Variants in ABTB3 observed in about 807,000 individuals in gnomAD.
ABTB3 encodes the protein ankyrin repeat- and BTB/POZ domain-containing protein 3.
the ABTB3 span, among the ~76,000 whole-genome samples, chr12:107,404,711 C>T: frequency 4.7e-4 from 71 of 152,232 alleles, 1 homozygote; most frequent in Admixed American, 2.9e-3. Flanking sequence ...GCTGCTTGTT[C>T]GAGGCAGGTG....
chr12:107,442,174 G>A, the ABTB3 span, among the ~76,000 whole-genome samples: 1 of 152,196 alleles, frequency 6.6e-6, no homozygotes, highest in Non-Finnish European at 1.5e-5. Flanking sequence ...AGCACAGGGT[G>A]CATGGCTGGC....
chr12:107,325,220 G>A, the ABTB3 span, among the ~76,000 whole-genome samples: 1 of 152,180 alleles, frequency 6.6e-6, no homozygotes, highest in African/African-American at 2.4e-5. Context: ...GGGCTTGGAG[G>A]GTAGGTTGGT....
chr12:107,501,462 G>T, the ABTB3 span, among the ~76,000 whole-genome samples: 2 of 151,966 alleles, frequency 1.3e-5, no homozygotes, highest in African/African-American at 4.8e-5. Flanking sequence ...CACTTTGGGA[G>T]GCCAAGGTGA....
the ABTB3 span, among the ~76,000 whole-genome samples, chr12:107,560,196 G>A: frequency 5.9e-5 from 9 of 152,240 alleles, no homozygotes; most frequent in East Asian, 7.7e-4. Context: ...TCCAGGGTTC[G>A]TGGCCATTTG....
chr12:107,358,862 G>A, the ABTB3 span, among the ~76,000 whole-genome samples: 1 of 152,306 alleles, frequency 6.6e-6, no homozygotes, highest in East Asian at 1.9e-4. Context: ...AATGTGTTGG[G>A]ATTACAGGCA....
chr12:107,637,137 C>A, the ABTB3 span, among the ~76,000 whole-genome samples: 1 of 152,216 alleles, frequency 6.6e-6, no homozygotes, highest in Non-Finnish European at 1.5e-5. Flanking sequence ...TTGCTAAGTG[C>A]TCTTCATAAA....
chr12:107,600,836 C>T, the ABTB3 span, among the ~76,000 whole-genome samples: 3 of 152,146 alleles, frequency 2.0e-5, no homozygotes, highest in Non-Finnish European at 2.9e-5. Context: ...AGAGCTCTCA[C>T]GAGGCCCTGC....
chr12:107,433,869 C>A, the ABTB3 span, among the ~76,000 whole-genome samples: 6 of 152,168 alleles, frequency 3.9e-5, no homozygotes, highest in Non-Finnish European at 7.4e-5. Flanking sequence ...AGTCCAAGAT[C>A]AGGGATCAGT....
At chr12:107,571,595 A>G in the ABTB3 span, among the ~76,000 whole-genome samples, 1 of 152,064 alleles carries the variant, frequency 6.6e-6, no homozygotes, top group South Asian at 2.1e-4. Context: ...TGCTTCCTGG[A>G]TGTTTATTTT....
the ABTB3 span, chr12:107,580,977 A>T: frequency 1.3e-6 from 2 of 1,551,808 alleles, no homozygotes; most frequent in South Asian, 2.4e-5. Context: ...GGATGTCTCC[A>T]AAGGCTCTCC....
At chr12:107,375,865 C>T in the ABTB3 span, among the ~76,000 whole-genome samples, 1 of 152,306 alleles carries the variant, frequency 6.6e-6, no homozygotes, top group East Asian at 1.9e-4. Context: ...GGCTTCCCTC[C>T]CATCACCTTG....
At chr12:107,657,600 T>G in the ABTB3 span, 3 of 1,614,046 alleles carry the variant, frequency 1.9e-6, no homozygotes, top group African/African-American at 4.0e-5. Context: ...TTCAAGCAGC[T>G]CCTGTATGAC....
the ABTB3 span, among the ~76,000 whole-genome samples, chr12:107,389,865 T>A: frequency 6.6e-6 from 1 of 151,300 alleles, no homozygotes; most frequent in Admixed American, 6.6e-5. Flanking sequence ...TGTGTGTGTG[T>A]GTGTGTGTGT....
the ABTB3 span, among the ~76,000 whole-genome samples, chr12:107,444,885 A>C: frequency 6.6e-6 from 1 of 152,130 alleles, no homozygotes; most frequent in Non-Finnish European, 1.5e-5. Context: ...GCCTCCTCAG[A>C]GGCTGGGAGG....
At chr12:107,405,009 C>T in the ABTB3 span, among the ~76,000 whole-genome samples, 1 of 152,170 alleles carries the variant, frequency 6.6e-6, no homozygotes, top group African/African-American at 2.4e-5. Context: ...GTGGCAGATC[C>T]AGGATACAAA....
the ABTB3 span, among the ~76,000 whole-genome samples, chr12:107,636,999 G>A: frequency 3.9e-5 from 6 of 152,320 alleles, no homozygotes; most frequent in East Asian, 1.9e-4. Context: ...GGGGCCAGAC[G>A]TGGTGGCTCA....
chr12:107,353,307 C>A, the ABTB3 span, among the ~76,000 whole-genome samples: 2 of 152,128 alleles, frequency 1.3e-5, no homozygotes, highest in African/African-American at 4.8e-5. Context: ...TCAAGGAACT[C>A]ACTAGTGGGG....
the ABTB3 span, among the ~76,000 whole-genome samples, chr12:107,374,058 G>C: frequency 2.6e-5 from 4 of 152,136 alleles, no homozygotes; most frequent in Non-Finnish European, 5.9e-5. Context: ...ATGGTGGGAG[G>C]GTTCTGGAAT....
the ABTB3 span, among the ~76,000 whole-genome samples, chr12:107,608,773 AG>A: frequency 1.3e-5 from 2 of 151,962 alleles, no homozygotes; most frequent in Non-Finnish European, 1.5e-5. Context: ...GGGGTAAGTA[AG>A]GCAGGAAGAT....
Sources: allele counts gnomAD v4.1 joint callset (sites outside exome capture counted in the v4.1 genomes callset), GRCh38; gene constraint gnomAD v4.1.1; transcripts MANE v1.5; gene names NCBI Gene and HGNC (gene_info 2026-07-23, HGNC 2026-07-21).